Variants in SEMA5A observed in about 807,000 individuals in gnomAD.
SEMA5A encodes the protein semaphorin-5A.
Under a neutral mutation model 135.5 loss-of-function variants are expected in SEMA5A, and 55 were observed. That is an observed-to-expected ratio of 0.41 (90% CI 0.33 to 0.51). The LOEUF (loss-of-function observed/expected upper bound fraction) is 0.51. Ranked by LOEUF, SEMA5A falls within the 20% of genes least tolerant of loss-of-function variation. The probability of loss-of-function intolerance (pLI) is 0.37; values close to 1 mark genes in which losing one functional copy is unlikely to be tolerated. For synonymous variants in SEMA5A, 580 were observed against 546.5 expected (o/e 1.06, Z -0.85); for missense variants, 1,290 against 1,419.9 (o/e 0.91, Z 1.47).
At chr5:9,239,400 G>T (rs1748082401) in intron 5 of SEMA5A, among the ~76,000 whole-genome samples, 1 of 152,118 alleles carries the variant, frequency 6.6e-6, no homozygotes, top group Admixed American at 6.6e-5. Context: ...ATATTTTCAT[G>T]AAAAGCAATG....
At chr5:9,208,855 A>C (rs1746191659) in intron 8 of SEMA5A, among the ~76,000 whole-genome samples, 1 of 152,144 alleles carries the variant, frequency 6.6e-6, no homozygotes, top group Non-Finnish European at 1.5e-5. Flanking sequence ...AGTTGGAGCC[A>C]AGTGCATCCT....
At chr5:9,060,792 G>A (rs1266539351) in intron 18 of SEMA5A, among the ~76,000 whole-genome samples, 1 of 152,064 alleles carries the variant, frequency 6.6e-6, no homozygotes, top group Non-Finnish European at 1.5e-5. Context: ...ATTCATCTAT[G>A]CATTCATCCA....
intron 5 of SEMA5A, among the ~76,000 whole-genome samples, chr5:9,303,616 A>G (rs1751722419): frequency 6.6e-6 from 1 of 152,168 alleles, no homozygotes; most frequent in African/African-American, 2.4e-5. Flanking sequence ...TTCTCACCAT[A>G]AAGAAATGAT....
chr5:9,122,551 A>G (rs1740866668), intron 14 of SEMA5A, 105 bp downstream of exon 14: 14 of 1,179,722 alleles, frequency 1.2e-5, no homozygotes, highest in Non-Finnish European at 1.5e-5. Context: ...GTGTTTCACC[A>G]CAGTTCTCTC....
chr5:9,170,104 A>C (rs1378830141), intron 11 of SEMA5A, among the ~76,000 whole-genome samples: 1 of 152,184 alleles, frequency 6.6e-6, no homozygotes, highest in Non-Finnish European at 1.5e-5. Flanking sequence ...CAGGAGTGAC[A>C]ATGCCCCCCT....
At chr5:9,456,652 G>C (rs374809197) in intron 1 of SEMA5A, among the ~76,000 whole-genome samples, 1 of 152,118 alleles carries the variant, frequency 6.6e-6, no homozygotes, top group Admixed American at 6.5e-5. Flanking sequence ...GAAAAGGGAG[G>C]TCTAAGTCAG....
At chr5:9,384,713 T>TAGACAGAC (rs72287146) in intron 2 of SEMA5A, among the ~76,000 whole-genome samples, 16 of 100,868 alleles carry the variant, frequency 1.6e-4, no homozygotes, top group Middle Eastern at 0.011. Flanking sequence ...GATAGATAGA[T>TAGACAGAC]AGACAGACAG....
chr5:9,162,577 T>TATAC (rs1560977373), intron 11 of SEMA5A, among the ~76,000 whole-genome samples: 1 of 128,496 alleles, frequency 7.8e-6, no homozygotes, highest in African/African-American at 3.2e-5. Flanking sequence ...TATATATATA[T>TATAC]ATATATATAC....
At chr5:9,439,200 C>T (rs1758143825) in intron 1 of SEMA5A, among the ~76,000 whole-genome samples, 1 of 152,140 alleles carries the variant, frequency 6.6e-6, no homozygotes, top group Non-Finnish European at 1.5e-5. Flanking sequence ...ATCCTTGAAG[C>T]CAAAAGAGGA....
chr5:9,354,632 T>C (rs1358566306), intron 3 of SEMA5A, among the ~76,000 whole-genome samples: 1 of 152,194 alleles, frequency 6.6e-6, no homozygotes, highest in Non-Finnish European at 1.5e-5. Context: ...CTACAGACGC[T>C]GCAGGAAAAC....
intron 1 of SEMA5A, chr5:9,519,954 A>G (rs1736730107): frequency 6.6e-6 from 1 of 152,232 alleles, no homozygotes. Context: ...ACATACAATA[A>G]CCAAAAGTTT....
At chr5:9,457,900 C>CTTTTTTT (rs70943966) in intron 1 of SEMA5A, among the ~76,000 whole-genome samples, 1 of 70,162 alleles carries the variant, frequency 1.4e-5, no homozygotes, top group Non-Finnish European at 2.5e-5. Flanking sequence ...AGCATCTCTC[C>CTTTTTTT]TTTTTTTTTT....
chr5:9,302,321 G>C (rs957568843), intron 5 of SEMA5A, among the ~76,000 whole-genome samples: 1 of 152,318 alleles, frequency 6.6e-6, no homozygotes, highest in East Asian at 1.9e-4. Flanking sequence ...GTCACAGGGA[G>C]TAGAGTCCTG....
chr5:9,397,903 C>A (rs1756473167), intron 2 of SEMA5A, among the ~76,000 whole-genome samples: 2 of 152,180 alleles, frequency 1.3e-5, no homozygotes, highest in African/African-American at 4.8e-5. Flanking sequence ...ATTCTCATAC[C>A]AAATTCTCAA....
At chr5:9,484,029 G>T (rs1280849527) in intron 1 of SEMA5A, among the ~76,000 whole-genome samples, 1 of 152,132 alleles carries the variant, frequency 6.6e-6, no homozygotes, top group Non-Finnish European at 1.5e-5. Flanking sequence ...TCATATTCGG[G>T]AAGGCAGGGT....
At chr5:9,338,845 A>G (rs1753513416) in intron 3 of SEMA5A, among the ~76,000 whole-genome samples, 1 of 152,190 alleles carries the variant, frequency 6.6e-6, no homozygotes, top group African/African-American at 2.4e-5. Flanking sequence ...ATATGCCCCC[A>G]TTCCGTCTCA....
At chr5:9,122,481 A>G (rs1303329740) in intron 14 of SEMA5A, among the ~76,000 whole-genome samples, 175 bp downstream of exon 14, 1 of 152,172 alleles carries the variant, frequency 6.6e-6, no homozygotes, top group Non-Finnish European at 1.5e-5. Flanking sequence ...CTGTAATCCA[A>G]TTTATAGTTT....
chr5:9,230,602 G>A (rs1458746416), intron 6 of SEMA5A, among the ~76,000 whole-genome samples: 2 of 152,248 alleles, frequency 1.3e-5, no homozygotes, highest in South Asian at 2.1e-4. Flanking sequence ...GGTGTTCTTC[G>A]CAGAACGGAG....
At chr5:9,497,728 A>G (rs1243669488) in intron 1 of SEMA5A, among the ~76,000 whole-genome samples, 1 of 152,218 alleles carries the variant, frequency 6.6e-6, no homozygotes, top group Non-Finnish European at 1.5e-5. Context: ...CCTCAAGGTC[A>G]CACAGCAAGT....
Sources: allele counts gnomAD v4.1 joint callset (sites outside exome capture counted in the v4.1 genomes callset), GRCh38; gene constraint gnomAD v4.1.1; transcripts MANE v1.5; gene names NCBI Gene and HGNC (gene_info 2026-07-23, HGNC 2026-07-21).